Variants in RRN3 observed in about 807,000 individuals in gnomAD.
RRN3 encodes the protein RNA polymerase I-specific transcription initiation factor RRN3.
Under a neutral mutation model 82.3 loss-of-function variants are expected in RRN3, and 38 were observed. That is an observed-to-expected ratio of 0.46 (90% CI 0.36 to 0.61). The LOEUF (loss-of-function observed/expected upper bound fraction) is 0.61, where lower values mean the gene tolerates loss of function less well. RRN3 is among the 20% of genes least tolerant of loss of function. RRN3 has a pLI of 0.00. For missense variants in RRN3, 726 were observed against 793.1 expected (o/e 0.92, Z 1.02); for synonymous variants, 284 against 284.3 (o/e 1.00, Z 0.01).
chr16:15,090,868 GGTTT>G (rs904090694), intron 3 of RRN3, among the ~76,000 whole-genome samples: 4 of 132,550 alleles, frequency 3.0e-5, no homozygotes, highest in South Asian at 5.2e-4. Flanking sequence ...CTGAATCAGT[GGTTT>G]GTTTTTTTTT....
At chr16:15,073,663 G>C (rs146010070) in intron 11 of RRN3, among the ~76,000 whole-genome samples, 7 of 152,096 alleles carry the variant, frequency 4.6e-5, no homozygotes, top group African/African-American at 1.7e-4. Flanking sequence ...CCTCTAATCC[G>C]ATCATTTTAC....
At chr16:15,087,115 T>C (rs2045940681) in intron 3 of RRN3, among the ~76,000 whole-genome samples, 1 of 152,138 alleles carries the variant, frequency 6.6e-6, no homozygotes, top group African/African-American at 2.4e-5. Context: ...CTATATTAAT[T>C]ATATTCATGC....
intron 9 of RRN3, among the ~76,000 whole-genome samples, 181 bp downstream of exon 9, chr16:15,079,817 G>A (rs530718059): frequency 1.9e-3 from 288 of 152,160 alleles, no homozygotes; most frequent in African/African-American, 4.9e-3. Context: ...GGCTGGTCTC[G>A]AACTCCTGAC....
At chr16:15,090,176 C>T (rs988134484) in intron 3 of RRN3, among the ~76,000 whole-genome samples, 1 of 152,004 alleles carries the variant, frequency 6.6e-6, no homozygotes, top group Non-Finnish European at 1.5e-5. Flanking sequence ...CACCACTGCA[C>T]TCCAGCCTGC....
chr16:15,073,635 C>CT (rs2045333453), intron 11 of RRN3, among the ~76,000 whole-genome samples: 1 of 152,200 alleles, frequency 6.6e-6, no homozygotes, highest in African/African-American at 2.4e-5. Flanking sequence ...GCAATTCTAT[C>CT]ATTCGTGTAG....
chr16:15,065,252 G>C lies in RRN3; in HGVS notation c.1673C>G (p.Thr558Ser), dbSNP rs376645872. The stretch of plus-strand genomic sequence containing the variant: ...CACACAGGGATCAAAGGGGAAGAAG[G>C]TGTCCAGCGGGTTTGTGCAGATCTG... The part of the protein sequence containing the change: ...SVQICTNPLD[T>S]FFPFDPCVLK... The change falls in exon 16 of 18, where the codon ACC becomes AGC. Residue 558 changes from threonine (T) to serine (S), a missense_variant. Transcript: ENST00000198767. 2 of 1,613,822 alleles carry C rather than the reference G, an allele frequency of 1.2e-6. No individual in the cohort carries two copies. The highest frequency in any genetic ancestry group is 3.3e-5 in the Admixed American group (2 of 59,992).
In RRN3 at chr16:15,086,339, T is replaced by C. The variant is rs527384490; in HGVS notation, c.342+26A>G. ...TACCAAAGTTCTGAATTACATACTT[T>C]ACAGTAAAATAAATGGTGAACTTAC... On this transcript the variant is annotated intron_variant, in intron 4 of 17. Transcript: ENST00000198767. 6.2e-6 allele frequency: 10 copies of C among 1,613,018 alleles called. No individual in the cohort carries two copies. In the Admixed American group the frequency reaches 1.2e-4, roughly 19 times the overall value.
At chr16:15,084,761 G>C in intron 6 of RRN3, 56 bp from the exon 7 acceptor site, 1 of 1,214,992 alleles carries the variant, frequency 8.2e-7, no homozygotes. Context: ...AGGGCGACAC[G>C]CTTGAAGCTA....
intron 3 of RRN3, among the ~76,000 whole-genome samples, 155 bp from the exon 4 acceptor site, chr16:15,086,609 G>T (rs1445803790): frequency 6.6e-6 from 1 of 152,180 alleles, no homozygotes; most frequent in Admixed American, 6.5e-5. Context: ...AACAGAAAAA[G>T]ATGTCACAAT....
intron 10 of RRN3, chr16:15,076,330 A>T: frequency 1.7e-6 from 1 of 598,676 alleles, no homozygotes; most frequent in Non-Finnish European, 3.0e-6. Flanking sequence ...TTACAAGAAC[A>T]AAAGTGAAAC....
intron 10 of RRN3, among the ~76,000 whole-genome samples, chr16:15,075,472 G>A (rs1391825703): frequency 1.3e-5 from 2 of 151,870 alleles, no homozygotes; most frequent in African/African-American, 4.8e-5. Context: ...CGGGGAGGCT[G>A]AGGTGGGCAG....
At chr16:15,092,979 A>T (rs1337440050) in intron 1 of RRN3, among the ~76,000 whole-genome samples, 2 of 152,026 alleles carry the variant, frequency 1.3e-5, no homozygotes, top group African/African-American at 4.8e-5. Context: ...TCTATTGGAA[A>T]TACTCTTTTC....
intron 9 of RRN3, among the ~76,000 whole-genome samples, chr16:15,079,101 C>T (rs1203959696): frequency 2.6e-5 from 4 of 152,228 alleles, no homozygotes; most frequent in African/African-American, 4.8e-5. Flanking sequence ...TGAGCCACCA[C>T]GCCCGGCCTC....
chr16:15,065,829 G>A (rs1471219289), intron 15 of RRN3, among the ~76,000 whole-genome samples: 1 of 152,154 alleles, frequency 6.6e-6, no homozygotes, highest in African/African-American at 2.4e-5. Flanking sequence ...ACTTGCTGAA[G>A]AAGCACTGAA....
chr16:15,073,143 A>AT (rs1275650738), intron 11 of RRN3, 63 bp from the exon 12 acceptor site: 9 of 1,549,590 alleles, frequency 5.8e-6, no homozygotes, highest in Non-Finnish European at 7.9e-6. Flanking sequence ...CATCTGCCAT[A>AT]TTTTTTATAA....
At position 15,061,882 on chromosome 16, in the gene RRN3, A is replaced by T. The variant is rs2044728215; in HGVS notation, c.1818T>A (p.Asp606Glu). Residue 606 changes from aspartate to glutamate, a missense_variant, in exon 18 of 18, where the codon GAT (aspartate) becomes GAA (glutamate). Physicochemically the swap from Asp to Glu is conservative, Grantham distance 45. Transcript: ENST00000198767. ...MKKDIVEDEDDDFLKGEVPQN... is the reference protein window; with the variant it reads ...MKKDIVEDEDEDFLKGEVPQN... ...GGGGCACTTCGCCTTTCAGAAAGTCATCATCTTCATCTTCCACTATGTCCT... is the reference window on the plus strand; with the variant it reads ...GGGGCACTTCGCCTTTCAGAAAGTCTTCATCTTCATCTTCCACTATGTCCT... 5 of 1,612,668 alleles carry T rather than the reference A, an allele frequency of 3.1e-6. No homozygotes were observed. The highest frequency in any genetic ancestry group is 2.7e-5 in the African/African-American group (2 of 74,940).
rs371217767 is a variant in RRN3 at position 15,092,597 on chromosome 16, G to C, written c.107C>G (p.Ala36Gly). Residue 36 changes from alanine (A) to glycine (G), a missense_variant, in exon 2 of 18, where the codon GCA (alanine) becomes GGA (glycine). By Grantham distance (60) the Ala-to-Gly change is moderately conservative. Around this residue, in one of 4 missense-constraint regions of RRN3, gnomAD observed 135 missense variants for 87.4 expected, o/e 1.55. Transcript: ENST00000198767. ...AGAATTGAAAAAGTCATTCTCTAAT[G>C]CACGCATATTTGAAATCCTGTGGAA... is the stretch of plus-strand genomic sequence containing the variant. Reference protein sequence around the residue: ...ASRTGISNMRALENDFFNSPP... With the variant: ...ASRTGISNMRGLENDFFNSPP... 1 of 1,609,794 alleles carries C rather than the reference G, an allele frequency of 6.2e-7. No homozygotes were observed. The highest frequency in any genetic ancestry group is 1.3e-5 in the African/African-American group (1 of 74,790).
intron 11 of RRN3, among the ~76,000 whole-genome samples, chr16:15,074,130 A>T (rs909656309): frequency 6.6e-6 from 1 of 152,224 alleles, no homozygotes; most frequent in African/African-American, 2.4e-5. Context: ...CCTTTCCTGT[A>T]GTTTCCAAAT....
At chr16:15,073,221 T>C in intron 11 of RRN3, 141 bp from the exon 12 acceptor site, 3 of 929,620 alleles carry the variant, frequency 3.2e-6, no homozygotes, top group Non-Finnish European at 4.9e-6. Flanking sequence ...ATCCCAGCAC[T>C]TTGGGAGGCC....
Sources: gnomAD v4.1 joint callset for allele counts (sites outside exome capture counted in the v4.1 genomes callset) on GRCh38, gnomAD v4.1.1 for gene constraint, gnomAD v4.1.1 regional missense constraint, MANE v1.5 for transcripts, NCBI Gene and HGNC (gene_info 2026-07-23, HGNC 2026-07-21) for gene names.